PHIP: variants seen among roughly 807,000 people sequenced by gnomAD.
The protein encoded by PHIP is PH-interacting protein.
Under a neutral mutation model 236.8 loss-of-function variants are expected in PHIP, and 54 were observed. That is an observed-to-expected ratio of 0.23 (90% confidence interval 0.18 to 0.29). PHIP has a LOEUF of 0.29. Among genes scored for constraint, PHIP ranks in the 10% least tolerant of loss-of-function variants. The pLI, the probability that PHIP is intolerant of heterozygous loss-of-function variation, is 1.00. For missense variants in PHIP, 1,370 were observed against 2,190.8 expected (o/e 0.63, Z 7.48); for synonymous variants, 756 against 718.9 (o/e 1.05, Z -0.83).
Position 78,990,975 on chromosome 6 carries a change from C to T in PHIP, c.2212G>A (p.Glu738Lys). Residue 738 changes from glutamate to lysine, a missense_variant, in exon 20 of 40, where the codon GAA becomes AAA. Around this residue, in one of 14 missense-constraint regions of PHIP, gnomAD observed 133 missense variants for 245.2 expected, o/e 0.54. Transcript: ENST00000275034. ...LSAGVASRQEEWRTAKGEEEI... is the reference protein window; with the variant it reads ...LSAGVASRQEKWRTAKGEEEI... Reference sequence around the variant, plus strand: ...TCTTCTCCCTTTGCAGTTCTCCATTCTTCTTGCCTACTGAAAGACAAAAGC... The same window carrying T: ...TCTTCTCCCTTTGCAGTTCTCCATTTTTCTTGCCTACTGAAAGACAAAAGC... The T allele has an allele frequency of 1.2e-6, 2 of 1,600,852 alleles. No individual in the cohort carries two copies. Among genetic ancestry groups the T allele is most frequent in the Non-Finnish European group, 1.7e-6 (2 of 1,171,252 alleles).
intron 22 of PHIP, 66 bp downstream of exon 22, chr6:78,985,286 T>TAA (rs370502782): frequency 1.6e-3 from 1,095 of 694,290 alleles, no homozygotes; most frequent in Middle Eastern, 3.0e-3. Flanking sequence ...TGTTGCTGGT[T>TAA]AAAAAAAAAA....
intron 4 of PHIP, among the ~76,000 whole-genome samples, chr6:79,076,378 CTACA>C (rs1370285166): frequency 6.6e-6 from 1 of 152,164 alleles, no homozygotes; most frequent in African/African-American, 2.4e-5. Flanking sequence ...AATCAACACA[CTACA>C]TAAATTTCAA....
At chr6:79,025,756 A>G in intron 8 of PHIP, 137 bp from the exon 9 acceptor site, 2 of 706,688 alleles carry the variant, frequency 2.8e-6, no homozygotes, top group Admixed American at 2.8e-5. Context: ...TGTTATTTAA[A>G]GTCCATATAT....
intron 17 of PHIP, among the ~76,000 whole-genome samples, chr6:78,998,897 T>C (rs534930989): frequency 1.3e-5 from 2 of 152,082 alleles, no homozygotes; most frequent in Admixed American, 6.6e-5. Flanking sequence ...GATCTAGTGG[T>C]AAATAAGGGA....
intron 35 of PHIP, among the ~76,000 whole-genome samples, chr6:78,952,060 G>T (rs9443630): frequency 0.19 from 29,392 of 151,918 alleles, 3,107 homozygotes; most frequent in Admixed American, 0.25. Context: ...CTTATTCTAG[G>T]TAAAGATTCT....
chr6:79,016,520 A>C (rs190943069), intron 13 of PHIP, 24 bp downstream of exon 13: 3 of 1,433,342 alleles, frequency 2.1e-6, no homozygotes, highest in Non-Finnish European at 2.9e-6. Context: ...ATATATACAT[A>C]ATATTTCAAA....
chr6:79,018,846 T>G (rs1172745092), intron 10 of PHIP, among the ~76,000 whole-genome samples: 1 of 151,996 alleles, frequency 6.6e-6, no homozygotes, highest in Admixed American at 6.6e-5. Context: ...TATTCTCTCC[T>G]ACTAGAACAT....
intron 38 of PHIP, 141 bp downstream of exon 38, chr6:78,945,860 T>A (rs551701793): frequency 4.3e-5 from 29 of 675,630 alleles, no homozygotes; most frequent in African/African-American, 9.1e-5. Flanking sequence ...AACTTTTTTT[T>A]AAAATAGGAA....
intron 7 of PHIP, among the ~76,000 whole-genome samples, chr6:79,040,632 T>C (rs1772161219): frequency 1.3e-5 from 2 of 152,030 alleles, no homozygotes; most frequent in Admixed American, 1.3e-4. Flanking sequence ...CTGTGCCTAG[T>C]GAAATGCAAA....
chr6:79,049,990 A>C (rs1176467994), intron 6 of PHIP, among the ~76,000 whole-genome samples: 1 of 152,156 alleles, frequency 6.6e-6, no homozygotes, highest in Non-Finnish European at 1.5e-5. Flanking sequence ...AAAAATTGCT[A>C]ATCATAATTT....
chr6:79,044,101 C>T (rs1772356581), intron 6 of PHIP, among the ~76,000 whole-genome samples: 1 of 151,942 alleles, frequency 6.6e-6, no homozygotes, highest in Admixed American at 6.6e-5. Context: ...GCTGCCCCCA[C>T]CCCAAACCCC....
At chr6:79,061,378 A>C (rs1238557761) in intron 4 of PHIP, among the ~76,000 whole-genome samples, 2 of 152,162 alleles carry the variant, frequency 1.3e-5, no homozygotes, top group African/African-American at 4.8e-5. Flanking sequence ...TCCCTCAGAT[A>C]AAACTTATGA....
intron 15 of PHIP, among the ~76,000 whole-genome samples, chr6:79,014,650 C>T (rs1770752629): frequency 6.6e-6 from 1 of 151,742 alleles, no homozygotes; most frequent in South Asian, 2.1e-4. Context: ...TGATTAAAAG[C>T]AAGAAATGCT....
intron 6 of PHIP, among the ~76,000 whole-genome samples, chr6:79,057,900 C>T (rs980049312): frequency 6.6e-6 from 1 of 151,894 alleles, no homozygotes; most frequent in Non-Finnish European, 1.5e-5. Context: ...TACTTTATAG[C>T]GATAATAAAA....
chr6:79,006,698 G>C (rs1163653198), intron 15 of PHIP, among the ~76,000 whole-genome samples: 1 of 151,928 alleles, frequency 6.6e-6, no homozygotes, highest in Admixed American at 6.6e-5. Context: ...TGCAGTTGTA[G>C]TAAAATAATT....
intron 4 of PHIP, 27 bp downstream of exon 4, chr6:79,077,421 C>G: frequency 6.3e-7 from 1 of 1,579,290 alleles, no homozygotes; most frequent in Non-Finnish European, 8.7e-7. Flanking sequence ...GGAAAAGTTT[C>G]TTTGCTCTGC....
rs774179665 is a variant in PHIP, at chr6:78,954,972, A to G, written c.3904-9T>C. Reference sequence around the variant, plus strand: ...CTTCTAGGCTGATGGTCCTGTGATAAAAGTGTTCAAATATATTAATAAAAG... The same window carrying G: ...CTTCTAGGCTGATGGTCCTGTGATAGAAGTGTTCAAATATATTAATAAAAG... On this transcript the variant is annotated splice_polypyrimidine_tract_variant and intron_variant, in intron 34 of 39. Coordinates refer to ENST00000275034, the MANE Select transcript of PHIP (RefSeq NM_017934.7). The G allele has an allele frequency of 2.0e-6, 3 of 1,531,292 alleles. No homozygotes were observed. The highest frequency in any genetic ancestry group is 2.8e-5 in the African/African-American group (2 of 70,772). The allele number at this position is 1,531,292 out of a possible 1,614,324, so 94.9% of individuals were successfully genotyped here.
chr6:78,964,183 A>G (rs1175463203), intron 29 of PHIP, among the ~76,000 whole-genome samples: 6 of 152,194 alleles, frequency 3.9e-5, no homozygotes, highest in Non-Finnish European at 8.8e-5. Context: ...TTGATTTAAG[A>G]TATTTTATAA....
chr6:78,942,555 G>A (rs1465841653), intron 39 of PHIP, among the ~76,000 whole-genome samples: 1 of 152,270 alleles, frequency 6.6e-6, no homozygotes. Context: ...AGTACAGACA[G>A]AAAATGCAAA....
Sources: allele counts gnomAD v4.1 joint callset (sites outside exome capture counted in the v4.1 genomes callset), GRCh38; gene constraint gnomAD v4.1.1; regional missense constraint gnomAD v4.1.1; transcripts MANE v1.5; gene names NCBI Gene and HGNC (gene_info 2026-07-23, HGNC 2026-07-21).